CEP89: variants seen among roughly 807,000 people sequenced by gnomAD.
CEP89 encodes centrosomal protein of 89 kDa.
CEP89 carries 95 observed loss-of-function variants against 97.6 expected under a neutral mutation model. The ratio of observed to expected loss-of-function variants is 0.97; its 90% CI spans 0.82 to 1.15. The LOEUF (loss-of-function observed/expected upper bound fraction) is 1.15, where lower values mean the gene tolerates loss of function less well. Ranked by LOEUF, CEP89 falls within the 50% of genes most tolerant of loss-of-function variation. The probability of loss-of-function intolerance (pLI) is 0.00; values close to 1 mark genes in which losing one functional copy is unlikely to be tolerated. For synonymous variants in CEP89, 354 were observed against 349.1 expected, an observed-to-expected ratio of 1.01 and a Z score of -0.16; for missense variants, 869 against 947.7, an observed-to-expected ratio of 0.92 and a Z score of 1.09.
rs1969432033 is a variant in CEP89, at chr19:32,887,832, A to C, written c.1885T>G (p.Leu629Val). The change falls in exon 17 of 19, where the codon TTA (leucine) becomes GTA (valine). Residue 629 changes from leucine to valine, a missense_variant. Coordinates refer to ENST00000305768, the MANE Select transcript of CEP89 (RefSeq NM_032816.5). The part of the protein sequence containing the change: ...RDSLMCLAKC[L>V]ESEKDGVLNK... ...AGCACTCCATCCTTCTCACTTTCTA[A>C]ACATTTTGCCTAGGGAGAAGGGTGA... The C allele has an allele frequency of 1.2e-6, 2 of 1,607,738 alleles. No homozygotes were observed. Among genetic ancestry groups the C allele is most frequent in the Non-Finnish European group, 1.7e-6 (2 of 1,174,780 alleles).
chr19:32,911,082 C>T (rs1969990671), intron 14 of CEP89, among the ~76,000 whole-genome samples: 1 of 152,186 alleles, frequency 6.6e-6, no homozygotes, highest in South Asian at 2.1e-4. Context: ...ACCAGCATCA[C>T]CACAAACACG....
At chr19:32,909,653 T>C (rs1005114064) in intron 14 of CEP89, among the ~76,000 whole-genome samples, 1 of 152,112 alleles carries the variant, frequency 6.6e-6, no homozygotes, top group South Asian at 2.1e-4. Flanking sequence ...CTAAACATGA[T>C]TACCAGAATT....
At position 32,878,957 on chromosome 19, in the gene CEP89, A is replaced by C; in HGVS notation, c.*205T>G. ...AGCATGGGCAACAGAGTGAGACCCT[A>C]GCTCTAAAAAAAAAAAAAAATTAAA... On this transcript the variant is annotated 3_prime_UTR_variant, in exon 19 of 19. Coordinates refer to ENST00000305768, the MANE Select transcript of CEP89 (RefSeq NM_032816.5). 1 of 400,744 alleles carries C rather than the reference A, an allele frequency of 2.5e-6. No homozygotes were observed. The allele number at this position is 400,744 out of a possible 1,614,324, so 24.8% of individuals were successfully genotyped here. A position where few individuals can be genotyped will look rare whatever the true frequency, so the allele number is the denominator to read the frequency against.
chr19:32,959,049 A>AC (rs71928884), intron 3 of CEP89, among the ~76,000 whole-genome samples: 50,704 of 112,606 alleles, frequency 0.45, 8,881 homozygotes, highest in Non-Finnish European at 0.5. Context: ...AACAAAACAA[A>AC]AAAAAAAAAA....
chr19:32,940,745 A>G (rs1302608181), intron 5 of CEP89, among the ~76,000 whole-genome samples: 1 of 152,084 alleles, frequency 6.6e-6, no homozygotes, highest in Non-Finnish European at 1.5e-5. Flanking sequence ...TCATGTTGTA[A>G]AAAGTTGGAC....
At chr19:32,908,456 G>C (rs868696338) in intron 14 of CEP89, among the ~76,000 whole-genome samples, 12 of 152,222 alleles carry the variant, frequency 7.9e-5, no homozygotes, top group South Asian at 2.1e-4. Context: ...GACCCTAATG[G>C]GCTGTCCCGC....
chr19:32,890,036 T>G (rs1275403130), intron 16 of CEP89, among the ~76,000 whole-genome samples: 3 of 152,108 alleles, frequency 2.0e-5, no homozygotes, highest in Admixed American at 1.3e-4. Context: ...TCTGGAAGGC[T>G]CTGGAAAGGA....
intron 14 of CEP89, among the ~76,000 whole-genome samples, chr19:32,908,062 G>A (rs1184370846): frequency 2.0e-5 from 3 of 152,150 alleles, no homozygotes; most frequent in East Asian, 3.8e-4. Flanking sequence ...GTGTGCAGGA[G>A]GCTATGCCAT....
rs1457765528 is a variant in CEP89 at position 32,879,263 on chromosome 19, C to G, written c.2251G>C (p.Ala751Pro). ...CCATTGAGGCTGGGGGCAACCAGAGCTCTGGGGTTGTCCTGCACGCCTGTC... is the reference window on the plus strand; with the variant it reads ...CCATTGAGGCTGGGGGCAACCAGAGGTCTGGGGTTGTCCTGCACGCCTGTC... The part of the protein sequence containing the change: ...TRTGVQDNPR[A>P]LVAPSLNGVS... The change falls in exon 19 of 19, where the codon GCT (alanine) becomes CCT (proline). Residue 751 changes from alanine to proline, a missense_variant. Transcript: ENST00000305768. The G allele has an allele frequency of 6.2e-6, 10 of 1,614,260 alleles. No individual in the cohort carries two copies. The highest frequency in any genetic ancestry group is 1.1e-5 in the South Asian group (1 of 91,088).
chr19:32,902,188 CA>C (rs1202481642), intron 14 of CEP89, among the ~76,000 whole-genome samples: 3 of 152,020 alleles, frequency 2.0e-5, no homozygotes, highest in Non-Finnish European at 4.4e-5. Flanking sequence ...GTTTTTAAGA[CA>C]AAAGAAACAA....
chr19:32,899,082 G>A (rs896935115), intron 16 of CEP89, among the ~76,000 whole-genome samples: 2 of 148,820 alleles, frequency 1.3e-5, no homozygotes, highest in African/African-American at 5.0e-5. Context: ...AGAAAAAAAT[G>A]TTTTGTAACA....
chr19:32,948,087 G>A (rs774527092), intron 5 of CEP89, among the ~76,000 whole-genome samples, 179 bp downstream of exon 5: 7 of 152,230 alleles, frequency 4.6e-5, no homozygotes, highest in African/African-American at 7.2e-5. Flanking sequence ...GATTACAGGC[G>A]TGAGCCACCA....
chr19:32,966,121 G>T (rs1971277891), intron 2 of CEP89: 1 of 376,310 alleles, frequency 2.7e-6, no homozygotes, highest in Non-Finnish European at 4.7e-6. Flanking sequence ...AATACTCATT[G>T]CATTCAATCA....
At chr19:32,896,567 T>C (rs957919743) in intron 16 of CEP89, among the ~76,000 whole-genome samples, 2 of 152,072 alleles carry the variant, frequency 1.3e-5, no homozygotes, top group African/African-American at 4.8e-5. Context: ...AAAAATTTCA[T>C]GGCTAAGACC....
At chr19:32,893,385 C>T (rs1273344560) in intron 16 of CEP89, among the ~76,000 whole-genome samples, 1 of 152,044 alleles carries the variant, frequency 6.6e-6, no homozygotes, top group Non-Finnish European at 1.5e-5. Context: ...GTATATAAAG[C>T]AAATATTATT....
At chr19:32,960,319 C>A (rs1971141144) in intron 2 of CEP89, among the ~76,000 whole-genome samples, 1 of 152,098 alleles carries the variant, frequency 6.6e-6, no homozygotes, top group Non-Finnish European at 1.5e-5. Flanking sequence ...GGAGGTAGAA[C>A]AGGGCCTCTA....
At position 32,953,618 on chromosome 19, in the gene CEP89, AT is replaced by A. The variant is rs768128731; in HGVS notation, c.488del (p.Asn163IlefsTer9). Reference protein sequence around the residue: ...SDDLYAVPHRNQVPLLHEVNS... With the variant: ...SDDLYAVPHRXQVPLLHEVNS... ...AAACTGGGAACATAGAAAACACCTG[AT>A]TTCTGTGTGGCACAGCGTACAGGTC... is the stretch of plus-strand genomic sequence containing the variant. On this transcript the variant is annotated frameshift_variant, in exon 4 of 19. Coordinates refer to ENST00000305768, the MANE Select transcript of CEP89 (RefSeq NM_032816.5). LOFTEE classifies it high-confidence loss of function. 1 of 1,596,272 alleles carries A rather than the reference AT, an allele frequency of 6.3e-7. No individual in the cohort carries two copies. The highest frequency in any genetic ancestry group is 1.1e-5 in the South Asian group (1 of 89,780).
intron 14 of CEP89, among the ~76,000 whole-genome samples, chr19:32,904,297 G>A (rs971841524): frequency 9.2e-5 from 14 of 152,182 alleles, no homozygotes; most frequent in African/African-American, 2.2e-4. Flanking sequence ...ACAGATAACC[G>A]TGACAGCAGA....
At chr19:32,947,361 A>G (rs376127366) in intron 5 of CEP89, among the ~76,000 whole-genome samples, 7 of 152,112 alleles carry the variant, frequency 4.6e-5, no homozygotes, top group African/African-American at 1.7e-4. Flanking sequence ...GACTAGGGAG[A>G]CCCTATCCTA....
Sources: gnomAD v4.1 joint callset for allele counts (sites outside exome capture counted in the v4.1 genomes callset) on GRCh38, gnomAD v4.1.1 for gene constraint, MANE v1.5 for transcripts, NCBI Gene and HGNC (gene_info 2026-07-23, HGNC 2026-07-21) for gene names.